Variants in CLCN7 observed in about 807,000 individuals in gnomAD.
CLCN7 encodes the protein H(+)/Cl(-) exchange transporter 7.
In CLCN7, 60 loss-of-function variants were observed where a neutral mutation model predicts 102.1. The ratio of observed to expected loss-of-function variants is 0.59; its 90% CI spans 0.48 to 0.73. CLCN7 has a LOEUF of 0.73. Ranked by LOEUF, CLCN7 falls within the 30% of genes least tolerant of loss-of-function variation. The probability of loss-of-function intolerance (pLI) is 0.00; values close to 1 mark genes in which losing one functional copy is unlikely to be tolerated. For missense variants in CLCN7, 962 were observed against 1,125.7 expected, an observed-to-expected ratio of 0.85 and a Z score of 2.08; for synonymous variants, 560 against 490.5, an observed-to-expected ratio of 1.14 and a Z score of -1.87.
In CLCN7 at chr16:1,446,390, C is replaced by G. The variant is rs559965660; in HGVS notation, c.*241G>C. On this transcript the variant is annotated 3_prime_UTR_variant, in exon 25 of 25. Transcript: ENST00000382745. ...ATCCCTGGAGGTAAAGAAACCTAGA[C>G]GAGGAGAGTGGAGGCTGGGCCTGCG... is the stretch of plus-strand genomic sequence containing the variant. The G allele has an allele frequency of 1.4e-5, 10 of 702,248 alleles. No homozygotes were observed. The highest frequency in any genetic ancestry group is 4.4e-5 in the South Asian group (3 of 67,610). 43.5% of individuals were successfully genotyped at this position (702,248 alleles called of 1,614,324 possible).
intron 1 of CLCN7, among the ~76,000 whole-genome samples, chr16:1,470,009 G>A (rs1358077114): frequency 6.6e-6 from 1 of 152,242 alleles, no homozygotes; most frequent in Non-Finnish European, 1.5e-5. Flanking sequence ...GAGCCGTCAG[G>A]TCCCCTGAGG....
At chr16:1,450,161 C>T (rs750942058) in intron 17 of CLCN7, 20 of 391,754 alleles carry the variant, frequency 5.1e-5, no homozygotes, top group Non-Finnish European at 8.2e-5. Context: ...CAGCCCTGGC[C>T]GGACATCCAC....
chr16:1,455,977 G>A lies in CLCN7; in HGVS notation c.916+136C>T, dbSNP rs111863327. On this transcript the variant is annotated intron_variant, in intron 10 of 24. Transcript: ENST00000382745. Reference sequence around the variant, plus strand: ...GAGGGCTGGACCCAAGTACACTGCCGGCCGCTTCCAAATGCCCCGGCCGTG... The same window carrying A: ...GAGGGCTGGACCCAAGTACACTGCCAGCCGCTTCCAAATGCCCCGGCCGTG... 4,040 of 992,560 alleles carry A rather than the reference G, an allele frequency of 4.1e-3. 125 individuals are homozygous for A. The African/African-American group carries it at 0.058, about 14-fold the overall frequency. The allele number at this position is 992,560 out of a possible 1,614,324, so 61.5% of individuals were successfully genotyped here.
intron 6 of CLCN7, 47 bp downstream of exon 6, chr16:1,460,371 C>G (rs766307893): frequency 7.1e-7 from 1 of 1,411,846 alleles, no homozygotes; most frequent in Non-Finnish European, 1.0e-6. Flanking sequence ...ACCAAGACCC[C>G]CAATCCTTCA....
chr16:1,465,951 C>A (rs1399643261), intron 1 of CLCN7, among the ~76,000 whole-genome samples: 1 of 152,228 alleles, frequency 6.6e-6, no homozygotes, highest in Non-Finnish European at 1.5e-5. Context: ...GGAGCTCCCA[C>A]CCCAGTCTCC....
intron 1 of CLCN7, chr16:1,474,111 C>T (rs1238956111): frequency 4.4e-6 from 2 of 454,732 alleles, no homozygotes; most frequent in Non-Finnish European, 8.8e-6. Flanking sequence ...TAAGACAATA[C>T]ACAGACAGGG....
intron 6 of CLCN7, among the ~76,000 whole-genome samples, chr16:1,460,081 C>A (rs1471635284): frequency 6.6e-6 from 1 of 152,026 alleles, no homozygotes; most frequent in East Asian, 1.9e-4. Flanking sequence ...TCACTCTTCC[C>A]AGCCCAGACA....
At position 1,475,020 on chromosome 16, in the gene CLCN7, G is replaced by A; in HGVS notation, c.-46C>T. 1.4e-6 allele frequency: 2 copies of A among 1,401,728 alleles called. No homozygotes were observed. Among genetic ancestry groups the A allele is most frequent in the Non-Finnish European group, 9.3e-7 (1 of 1,075,096 alleles). The allele number at this position is 1,401,728 out of a possible 1,614,324, so 86.8% of individuals were successfully genotyped here. A position where few individuals can be genotyped will look rare whatever the true frequency, so the allele number is the denominator to read the frequency against. On this transcript the variant is annotated 5_prime_UTR_variant, in exon 1 of 25. It adds an upstream start codon to the 5' untranslated region. Coordinates refer to ENST00000382745, the MANE Select transcript of CLCN7 (RefSeq NM_001287.6). ...CGGCCGGGAAGCGCCGGCTGCCCCC[G>A]TGTTTGTTCTCGTGACCCGCGCCGG...
chr16:1,451,529 G>C, intron 16 of CLCN7, 94 bp downstream of exon 16: 1 of 1,058,752 alleles, frequency 9.4e-7, no homozygotes, highest in Non-Finnish European at 1.4e-6. Flanking sequence ...CCCCAGCCCA[G>C]GGCTGCAACC....
At chr16:1,447,218 G>GC (rs2038662853) in intron 23 of CLCN7, 132 bp from the exon 24 acceptor site, 1 of 1,136,762 alleles carries the variant, frequency 8.8e-7, no homozygotes, top group African/African-American at 1.5e-5. Context: ...CGTCTGGCCA[G>GC]CCCCCTCAGC....
chr16:1,455,667 C>G (rs1486090271), intron 11 of CLCN7, 64 bp downstream of exon 11: 8 of 1,551,694 alleles, frequency 5.2e-6, no homozygotes, highest in Non-Finnish European at 7.1e-6. Flanking sequence ...AGGTGGACCC[C>G]ATGGTGGGAA....
chr16:1,450,621 A>G lies in CLCN7; in HGVS notation c.1493T>C (p.Phe498Ser). The change falls in exon 17 of 25, where the codon TTC (phenylalanine) becomes TCC (serine). Residue 498 changes from phenylalanine to serine, a missense_variant. Phe to Ser is a radical substitution (Grantham distance 155, BLOSUM62 -2). Coordinates refer to ENST00000382745, the MANE Select transcript of CLCN7 (RefSeq NM_001287.6). Reference protein sequence around the residue: ...LTLGLFTLVYFFLACWTYGLT... With the variant: ...LTLGLFTLVYSFLACWTYGLT... ...CCCGTAGGTCCAGCAGGCCAGGAAGAAGTAGACCAGCGTGAACAGGCCGAG... is the reference window on the plus strand; with the variant it reads ...CCCGTAGGTCCAGCAGGCCAGGAAGGAGTAGACCAGCGTGAACAGGCCGAG... The G allele has an allele frequency of 6.2e-7, 1 of 1,612,696 alleles. No individual in the cohort carries two copies. Among genetic ancestry groups the G allele is most frequent in the Non-Finnish European group, 8.5e-7 (1 of 1,179,778 alleles).
chr16:1,471,773 G>A (rs1241733366), intron 1 of CLCN7: 1 of 152,272 alleles, frequency 6.6e-6, no homozygotes, highest in Non-Finnish European at 1.5e-5. Flanking sequence ...CAAACGCCTG[G>A]CCTAAGAGGT....
intron 2 of CLCN7, among the ~76,000 whole-genome samples, chr16:1,464,970 C>CA (rs2038984868): frequency 6.6e-6 from 1 of 152,084 alleles, no homozygotes. Context: ...CTCACTGCCC[C>CA]CCCAAGATCC....
chr16:1,451,286 T>C (rs972000058), intron 16 of CLCN7, among the ~76,000 whole-genome samples: 5 of 152,222 alleles, frequency 3.3e-5, no homozygotes, highest in Non-Finnish European at 5.9e-5. Context: ...CAGCTCATTG[T>C]GGCCTCAACC....
At chr16:1,464,305 G>A (rs1189526486) in intron 2 of CLCN7, among the ~76,000 whole-genome samples, 1 of 152,228 alleles carries the variant, frequency 6.6e-6, no homozygotes, top group Non-Finnish European at 1.5e-5. Context: ...GACAGGAGAG[G>A]ACTGATTGCT....
intron 14 of CLCN7, among the ~76,000 whole-genome samples, chr16:1,453,292 C>T (rs560417450): frequency 1.1e-4 from 17 of 152,224 alleles, no homozygotes; most frequent in South Asian, 6.2e-4. Flanking sequence ...GGATTATAGT[C>T]GTGAGGCACC....
chr16:1,452,124 G>T (rs1004346410), intron 15 of CLCN7: 4 of 312,852 alleles, frequency 1.3e-5, no homozygotes, highest in African/African-American at 2.2e-5. Flanking sequence ...CACAGGGGGT[G>T]TTATCCACGG....
rs766724285 is a variant in CLCN7, at chr16:1,474,990, G to T, written c.-16C>A. On this transcript the variant is annotated 5_prime_UTR_variant, in exon 1 of 25. Coordinates refer to ENST00000382745, the MANE Select transcript of CLCN7 (RefSeq NM_001287.6). ...CGTTGGCCATGGCCCGCCGCGGAGCGACACCGGCCGGGAAGCGCCGGCTGC... is the reference window on the plus strand; with the variant it reads ...CGTTGGCCATGGCCCGCCGCGGAGCTACACCGGCCGGGAAGCGCCGGCTGC... 3.4e-6 allele frequency: 5 copies of T among 1,465,448 alleles called. No homozygotes were observed. Among genetic ancestry groups the T allele is most frequent in the East Asian group, 2.9e-5 (1 of 33,936 alleles). The allele number at this position is 1,465,448 out of a possible 1,614,324, so 90.8% of individuals were successfully genotyped here.
Sources: allele counts gnomAD v4.1 joint callset (sites outside exome capture counted in the v4.1 genomes callset), GRCh38; gene constraint gnomAD v4.1.1; transcripts MANE v1.5; gene names NCBI Gene and HGNC (gene_info 2026-07-23, HGNC 2026-07-21).